The following CENPW variants were observed in gnomAD, a reference collection of about 807,000 sequenced individuals.
CENPW encodes cancer-up-regulated gene 2 protein.
In CENPW, 3 loss-of-function variants were observed where a neutral mutation model predicts 11.1. That is an observed-to-expected ratio of 0.27 (90% CI 0.12 to 0.70). The LOEUF (loss-of-function observed/expected upper bound fraction) is 0.70. Among genes scored for constraint, CENPW ranks in the 30% least tolerant of loss-of-function variants. The probability of loss-of-function intolerance (pLI) is 0.77; values close to 1 mark genes in which losing one functional copy is unlikely to be tolerated. For missense variants in CENPW, 100 were observed against 105.6 expected (o/e 0.95, Z 0.23); for synonymous variants, 38 against 42.0 (o/e 0.91, Z 0.37).
chr6:126,439,936 C>T, the CENPW span, among the ~76,000 whole-genome samples: 1 of 151,722 alleles, frequency 6.6e-6, no homozygotes, highest in Non-Finnish European at 1.5e-5. Context: ...TTCTTCAGCT[C>T]ATAGGCTTTC....
chr6:126,399,327 G>A, the CENPW span, among the ~76,000 whole-genome samples: 6 of 152,086 alleles, frequency 3.9e-5, no homozygotes, highest in East Asian at 3.9e-4. Context: ...ATGGAGGGCC[G>A]GCTATATCAA....
the CENPW span, among the ~76,000 whole-genome samples, chr6:126,465,130 G>T: frequency 6.6e-6 from 1 of 151,866 alleles, no homozygotes; most frequent in Non-Finnish European, 1.5e-5. Flanking sequence ...ATCTATAAAC[G>T]TAAGAAATAA....
chr6:126,473,971 A>AAT, the CENPW span, among the ~76,000 whole-genome samples: 2 of 148,292 alleles, frequency 1.3e-5, no homozygotes, highest in Non-Finnish European at 3.0e-5. Flanking sequence ...ATATATATAG[A>AAT]ATATACAGAA....
chr6:126,417,199 A>G, the CENPW span, among the ~76,000 whole-genome samples: 1 of 152,192 alleles, frequency 6.6e-6, no homozygotes, highest in African/African-American at 2.4e-5. Context: ...TCAGACTGGC[A>G]TGGGGCCTGT....
At chr6:126,425,594 A>T in the CENPW span, among the ~76,000 whole-genome samples, 3 of 151,992 alleles carry the variant, frequency 2.0e-5, no homozygotes, top group African/African-American at 7.2e-5. Flanking sequence ...TTTCCATTCA[A>T]TAAGAGTAGT....
the CENPW span, among the ~76,000 whole-genome samples, chr6:126,394,689 C>A: frequency 1.3e-5 from 2 of 152,182 alleles, no homozygotes; most frequent in East Asian, 3.9e-4. Flanking sequence ...GATTGGAGAA[C>A]TTCCTTTAGC....
In CENPW at chr6:126,340,174, A is replaced by C; in HGVS notation, c.-100A>C. ...AGGTTTTTCTGCCTGAAGAAGCGTC[A>C]TACGGACCGGATTGTTTTCGCTGGC... On this transcript the variant is annotated 5_prime_UTR_variant, in exon 1 of 3. Coordinates refer to ENST00000368328, the MANE Select transcript of CENPW (RefSeq NM_001012507.4). 2 of 1,117,732 alleles carry C rather than the reference A, an allele frequency of 1.8e-6. No individual in the cohort carries two copies. Among genetic ancestry groups the C allele is most frequent in the Non-Finnish European group, 2.6e-6 (2 of 758,202 alleles). 69.2% of individuals were successfully genotyped at this position (1,117,732 alleles called of 1,614,324 possible).
At chr6:126,477,882 C>T in the CENPW span, among the ~76,000 whole-genome samples, 2 of 151,970 alleles carry the variant, frequency 1.3e-5, no homozygotes, top group African/African-American at 4.8e-5. Flanking sequence ...CACCAGTTTA[C>T]TCCTCTTATT....
the CENPW span, among the ~76,000 whole-genome samples, chr6:126,414,930 G>A: frequency 4.0e-5 from 6 of 151,774 alleles, no homozygotes. Context: ...TGATACCAGA[G>A]AAATACAAAG....
At chr6:126,445,481 T>A in the CENPW span, among the ~76,000 whole-genome samples, 2 of 151,350 alleles carry the variant, frequency 1.3e-5, no homozygotes, top group East Asian at 3.9e-4. Flanking sequence ...TTTGAACTCT[T>A]TTCCTTGAAG....
At chr6:126,378,004 G>T in the CENPW span, among the ~76,000 whole-genome samples, 2 of 152,158 alleles carry the variant, frequency 1.3e-5, no homozygotes, top group African/African-American at 4.8e-5. Context: ...GTGGGGAAAT[G>T]GTATGAAATA....
the CENPW span, among the ~76,000 whole-genome samples, chr6:126,455,943 G>T: frequency 6.6e-6 from 1 of 151,046 alleles, no homozygotes; most frequent in African/African-American, 2.4e-5. Flanking sequence ...CTAGCTGAGA[G>T]TCAATCAAGA....
chr6:126,388,697 G>A, the CENPW span, among the ~76,000 whole-genome samples: 1 of 151,924 alleles, frequency 6.6e-6, no homozygotes, highest in Non-Finnish European at 1.5e-5. Flanking sequence ...CTTTAGGTGT[G>A]TCTTTCTATC....
At chr6:126,438,137 T>G in the CENPW span, among the ~76,000 whole-genome samples, 1 of 151,526 alleles carries the variant, frequency 6.6e-6, no homozygotes, top group Non-Finnish European at 1.5e-5. Flanking sequence ...TAAAATGTAG[T>G]CTCTCTCACT....
chr6:126,371,447 C>T, the CENPW span, among the ~76,000 whole-genome samples: 1 of 152,284 alleles, frequency 6.6e-6, no homozygotes, highest in South Asian at 2.1e-4. Flanking sequence ...CCCAGTTGAT[C>T]ATGGTGGATT....
At chr6:126,407,161 TTTG>T in the CENPW span, among the ~76,000 whole-genome samples, 3 of 152,154 alleles carry the variant, frequency 2.0e-5, no homozygotes, top group African/African-American at 4.8e-5. Context: ...TCATCTCTCA[TTTG>T]TAAGTGAGAA....
the CENPW span, among the ~76,000 whole-genome samples, chr6:126,395,882 A>G: frequency 2.0e-5 from 3 of 152,088 alleles, no homozygotes; most frequent in African/African-American, 7.2e-5. Flanking sequence ...CTTTCTCCCA[A>G]ACAAATGGAG....
At chr6:126,422,816 T>C in the CENPW span, among the ~76,000 whole-genome samples, 3 of 152,104 alleles carry the variant, frequency 2.0e-5, no homozygotes, top group Non-Finnish European at 4.4e-5. Context: ...ACATCCATTG[T>C]TTCCTCCCCT....
the CENPW span, among the ~76,000 whole-genome samples, chr6:126,436,910 A>G: frequency 6.6e-6 from 1 of 151,812 alleles, no homozygotes; most frequent in Admixed American, 6.6e-5. Flanking sequence ...GCTGTTATTT[A>G]TTAAGATGTA....
Sources: allele counts gnomAD v4.1 joint callset (sites outside exome capture counted in the v4.1 genomes callset), GRCh38; gene constraint gnomAD v4.1.1; transcripts MANE v1.5; gene names NCBI Gene and HGNC (gene_info 2026-07-23, HGNC 2026-07-21).